SGCD: variants seen among roughly 807,000 people sequenced by gnomAD.
The protein encoded by SGCD is delta-sarcoglycan.
SGCD carries 18 observed loss-of-function variants against 36.6 expected under a neutral mutation model. The ratio of observed to expected loss-of-function variants is 0.49; its 90% confidence interval spans 0.34 to 0.73. The LOEUF (loss-of-function observed/expected upper bound fraction) is 0.73, where lower values mean the gene tolerates loss of function less well. Among genes scored for constraint, SGCD ranks in the 30% least tolerant of loss-of-function variants. The pLI is 0.01. For missense variants in SGCD, 387 were observed against 346.7 expected, an observed-to-expected ratio of 1.12 and a Z score of -0.92; for synonymous variants, 133 against 130.6, an observed-to-expected ratio of 1.02 and a Z score of -0.12.
chr5:156,232,003 A>G (rs1033125551), intron 3 of SGCD, among the ~76,000 whole-genome samples: 3 of 152,326 alleles, frequency 2.0e-5, no homozygotes, highest in Admixed American at 6.5e-5. Flanking sequence ...ATCAGTAGCC[A>G]TTAGAACATT....
chr5:156,173,306 G>A (rs1337625852), intron 3 of SGCD, among the ~76,000 whole-genome samples: 1 of 152,128 alleles, frequency 6.6e-6, no homozygotes, highest in Non-Finnish European at 1.5e-5. Flanking sequence ...CTGGTATGCA[G>A]TGTAAAATTA....
At chr5:156,605,998 C>T (rs1761428866) in intron 6 of SGCD, among the ~76,000 whole-genome samples, 1 of 152,146 alleles carries the variant, frequency 6.6e-6, no homozygotes, top group Non-Finnish European at 1.5e-5. Flanking sequence ...TGTGGGTTGC[C>T]CGTTCACTCT....
chr5:156,555,797 T>C (rs565680742), intron 4 of SGCD, among the ~76,000 whole-genome samples: 100 of 152,256 alleles, frequency 6.6e-4, no homozygotes, highest in African/African-American at 2.4e-3. Flanking sequence ...ATCTTCATAA[T>C]ATTGTCCACC....
At position 156,313,891 on chromosome 5, in the gene SGCD, AATATGC is replaced by A. The variant is rs543584115; in HGVS notation, c.-43-15639_-43-15634del. The stretch of plus-strand genomic sequence containing the variant: ...ATGCTGTTCATTTTAGCTTCCTGAA[AATATGC>A]ATAAAAATGCAGCACAGGCCGTGAC... On this transcript the variant is annotated intron_variant, in intron 3 of 9. Coordinates refer to the SGCD transcript ENST00000517913. Among the ~76,000 whole-genome samples the A allele has an allele frequency of 3.7e-3, 562 of 152,200 alleles. 2 individuals carry two copies. Among genetic ancestry groups the A allele is most frequent in the African/African-American group, 0.013 (538 of 41,554 alleles).
chr5:155,951,885 A>G (rs1292022730), intron 1 of SGCD, among the ~76,000 whole-genome samples: 11 of 152,160 alleles, frequency 7.2e-5, no homozygotes, highest in Admixed American at 7.2e-4. Flanking sequence ...GCTAACCAGC[A>G]ATGGTTAATG....
intron 3 of SGCD, among the ~76,000 whole-genome samples, chr5:156,394,318 C>G (rs578094886): frequency 6.6e-6 from 1 of 152,280 alleles, no homozygotes; most frequent in Admixed American, 6.5e-5. Context: ...GAGTAATGAT[C>G]TCTTCAGTAC....
At chr5:156,209,864 C>A (rs901306344) in intron 3 of SGCD, among the ~76,000 whole-genome samples, 2 of 152,198 alleles carry the variant, frequency 1.3e-5, no homozygotes, top group Non-Finnish European at 2.9e-5. Context: ...AGGTCCCTTA[C>A]ACCCAAGACC....
intron 3 of SGCD, among the ~76,000 whole-genome samples, chr5:156,178,203 C>T (rs1763517929): frequency 6.6e-6 from 1 of 151,922 alleles, no homozygotes. Flanking sequence ...TCTCACCACC[C>T]CAAAGTGAAA....
chr5:156,696,532 G>T (rs950131427), intron 7 of SGCD, among the ~76,000 whole-genome samples: 1 of 152,038 alleles, frequency 6.6e-6, no homozygotes, highest in African/African-American at 2.4e-5. Flanking sequence ...TTTTTTGAGG[G>T]TAAGTCTCAC....
At chr5:155,807,762 T>C in the SGCD span, among the ~76,000 whole-genome samples, 1 of 152,240 alleles carries the variant, frequency 6.6e-6, no homozygotes, top group Admixed American at 6.5e-5. Flanking sequence ...TATTTGTTTG[T>C]TTGCTTATAG....
intron 3 of SGCD, among the ~76,000 whole-genome samples, chr5:156,287,502 A>G (rs1766638930): frequency 6.6e-6 from 1 of 152,162 alleles, no homozygotes; most frequent in Admixed American, 6.6e-5. Context: ...AAGGCAGTAC[A>G]TCAGGGTGGA....
At chr5:156,024,300 G>A (rs1411020932) in intron 1 of SGCD, among the ~76,000 whole-genome samples, 3 of 151,392 alleles carry the variant, frequency 2.0e-5, no homozygotes, top group African/African-American at 7.3e-5. Context: ...AATTGAAAAT[G>A]TGGCTTATCT....
chr5:156,698,396 G>T (rs1404182075), intron 7 of SGCD, among the ~76,000 whole-genome samples: 2 of 152,182 alleles, frequency 1.3e-5, no homozygotes, highest in Non-Finnish European at 2.9e-5. Flanking sequence ...TTCTCACAAT[G>T]ATCTCACCTT....
chr5:156,343,390 T>G (rs1768770386), intron 2 of SGCD, among the ~76,000 whole-genome samples: 1 of 152,142 alleles, frequency 6.6e-6, no homozygotes, highest in African/African-American at 2.4e-5. Flanking sequence ...TATGACAGAG[T>G]AGAGATGCTG....
At chr5:156,302,517 G>A (rs543121840) in intron 3 of SGCD, among the ~76,000 whole-genome samples, 2 of 152,026 alleles carry the variant, frequency 1.3e-5, no homozygotes, top group Non-Finnish European at 2.9e-5. Flanking sequence ...GCCCACTAAT[G>A]CTTTCTTTAT....
the SGCD span, among the ~76,000 whole-genome samples, chr5:155,842,747 T>C: frequency 6.6e-6 from 1 of 152,252 alleles, no homozygotes; most frequent in Non-Finnish European, 1.5e-5. Context: ...GTTCTCCATG[T>C]AATTAATGGA....
intron 3 of SGCD, among the ~76,000 whole-genome samples, chr5:156,445,468 G>A (rs1753720708): frequency 6.6e-6 from 1 of 152,126 alleles, no homozygotes; most frequent in Admixed American, 6.6e-5. Context: ...CTTTAGAAAG[G>A]GAAGGGAGAA....
At position 156,049,750 on chromosome 5, in the gene SGCD, G is replaced by A. The variant is rs1759867076; in HGVS notation, c.-281-68128G>A. 1.4e-5 allele frequency among the ~76,000 whole-genome samples: 2 copies of A among 146,494 alleles called. 1 individual carries two copies. On this transcript the variant is annotated intron_variant, in intron 1 of 9. Coordinates refer to the SGCD transcript ENST00000517913. ...AGAACATTTGTGATTCATGAAAAGA[G>A]GTCCAAAGAGCAACATGAGCATGAC...
chr5:156,420,901 G>T (rs1419559485), intron 3 of SGCD, among the ~76,000 whole-genome samples: 2 of 152,100 alleles, frequency 1.3e-5, no homozygotes, highest in African/African-American at 4.8e-5. Flanking sequence ...TTATGAGTCA[G>T]TTCTAGTCAA....
Sources: allele counts gnomAD v4.1 joint callset (sites outside exome capture counted in the v4.1 genomes callset), GRCh38; gene constraint gnomAD v4.1.1; transcripts MANE v1.5; gene names NCBI Gene and HGNC (gene_info 2026-07-23, HGNC 2026-07-21).